Variants in GALNT18 observed in about 807,000 individuals in gnomAD.
GALNT18 encodes GalNAc-transferase 18.
A neutral mutation model predicts 69.5 loss-of-function variants in GALNT18; 44 were observed. That is an observed-to-expected ratio of 0.63 (90% CI 0.50 to 0.81). GALNT18 has a LOEUF of 0.81. Among genes scored for constraint, GALNT18 ranks in the 40% least tolerant of loss-of-function variants. GALNT18 has a pLI of 0.00. For synonymous variants in GALNT18, 364 were observed against 318.2 expected (o/e 1.14, Z -1.53); for missense variants, 715 against 810.0 (o/e 0.88, Z 1.42).
intron 6 of GALNT18, among the ~76,000 whole-genome samples, chr11:11,358,077 CA>C (rs1336544807): frequency 4.3e-5 from 4 of 93,018 alleles, no homozygotes; most frequent in Admixed American, 1.0e-4. Context: ...TCCCTGCCTC[CA>C]TCTCCTATGC....
At chr11:11,298,951 G>C (rs777360280) in intron 9 of GALNT18, among the ~76,000 whole-genome samples, 1 of 151,932 alleles carries the variant, frequency 6.6e-6, no homozygotes, top group Non-Finnish European at 1.5e-5. Context: ...CCTGCCTCCC[G>C]CCTCCAACCT....
rs1475235036 is a variant in GALNT18 at position 11,523,696 on chromosome 11, G to A, written c.236-74760C>T. ...ATCGCACCACTGCACTCCAGCCTGG[G>A]CAACAGAGCGAGACTCCATCTCAAA... On this transcript the variant is annotated intron_variant, in intron 1 of 10. Transcript: ENST00000227756. This position sits in a 1 kb window ranked among gnomAD's most constrained non-coding sequence, Gnocchi z 4.3. 2.6e-5 allele frequency among the ~76,000 whole-genome samples: 4 copies of A among 150,968 alleles called. No homozygotes were observed. The highest frequency in any genetic ancestry group is 5.9e-5 in the Non-Finnish European group (4 of 67,834).
rs1023899053 is a variant in GALNT18, at chr11:11,432,509, A to G, written c.595+112T>C. ...CATGAATTTCTCATCTATGCTCCAG[A>G]GAAAGAGCAGCCACAGACAGCCTTG... On this transcript the variant is annotated intron_variant, in intron 3 of 10. Transcript: ENST00000227756. The surrounding 1 kb of genome is among the most constrained non-coding windows in gnomAD (Gnocchi z 5.8). 1.8e-6 allele frequency: 2 copies of G among 1,088,712 alleles called. No homozygotes were observed. The highest frequency in any genetic ancestry group is 2.6e-6 in the Non-Finnish European group (2 of 767,174). The allele number at this position is 1,088,712 out of a possible 1,614,324, so 67.4% of individuals were successfully genotyped here.
rs1361208105 is a variant in GALNT18 at position 11,621,199 on chromosome 11, C to G, written c.235+160G>C. ...ACGGCCGCAGACAGAAGGTCCCGAA[C>G]GCAGGCAGGAGCTCACACGCAGGCC... On this transcript the variant is annotated intron_variant, in intron 1 of 10. Coordinates refer to ENST00000227756, the MANE Select transcript of GALNT18 (RefSeq NM_198516.3). The surrounding 1 kb of genome is among the most constrained non-coding windows in gnomAD (Gnocchi z 9.3). Among the ~76,000 whole-genome samples the G allele has an allele frequency of 1.3e-5, 2 of 152,090 alleles. No individual in the cohort carries two copies. The highest frequency in any genetic ancestry group is 2.1e-4 in the South Asian group (1 of 4,830).
At position 11,458,785 on chromosome 11, in the gene GALNT18, T is replaced by C. The variant is rs138616627; in HGVS notation, c.236-9849A>G. ...CACGGCCTGTGGGCCTGACCTCCCC[T>C]GTCTTCCAAACACCCAGCCTTGAGA... On this transcript the variant is annotated intron_variant, in intron 1 of 10. Transcript: ENST00000227756. Among the ~76,000 whole-genome samples, 874 of 152,358 alleles carry C rather than the reference T, an allele frequency of 5.7e-3. 12 individuals carry two copies. Among genetic ancestry groups the C allele is most frequent in the African/African-American group, 0.02 (820 of 41,596 alleles).
intron 3 of GALNT18, among the ~76,000 whole-genome samples, chr11:11,418,715 C>A (rs7482771): frequency 1.6e-4 from 24 of 152,100 alleles, no homozygotes; most frequent in Non-Finnish European, 1.8e-4. Flanking sequence ...GTGTGCTGAG[C>A]GTGATGGCTG....
Position 11,562,006 on chromosome 11 carries a change from C to T in GALNT18, c.235+59353G>A, listed in dbSNP as rs997708594. Among the ~76,000 whole-genome samples, 2 of 152,248 alleles carry T rather than the reference C, an allele frequency of 1.3e-5. No homozygotes were observed. The highest frequency in any genetic ancestry group is 2.9e-5 in the Non-Finnish European group (2 of 68,044). ...CACAGCGAGTGAATGCAGGGCAGGG[C>T]TCTAGCCAGGCCTTCCGAGCACTCC... On this transcript the variant is annotated intron_variant, in intron 1 of 10. Coordinates refer to ENST00000227756, the MANE Select transcript of GALNT18 (RefSeq NM_198516.3). This position sits in a 1 kb window ranked among gnomAD's most constrained non-coding sequence, Gnocchi z 4.1.
In GALNT18 at chr11:11,320,332, G is replaced by A. The variant is rs1849822210; in HGVS notation, c.1512+6754C>T. On this transcript the variant is annotated intron_variant, in intron 9 of 10. Transcript: ENST00000227756. The surrounding 1 kb of genome is among the most constrained non-coding windows in gnomAD (Gnocchi z 4.9). ...AGTGCCACCTCCATCTCCTGCAGTT[G>A]TACAGTGCACAACCTGCACAATGGC... Among the ~76,000 whole-genome samples, 1 of 152,190 alleles carries A rather than the reference G, an allele frequency of 6.6e-6. No homozygotes were observed. The highest frequency in any genetic ancestry group is 6.5e-5 in the Admixed American group (1 of 15,282).
intron 1 of GALNT18, among the ~76,000 whole-genome samples, chr11:11,569,482 A>ATTC (rs10653294): frequency 0.82 from 124,037 of 151,828 alleles, 50,718 homozygotes; most frequent in East Asian, 0.88. Flanking sequence ...TCCTCTGGGA[A>ATTC]TTCTAAGAAA....
intron 9 of GALNT18, among the ~76,000 whole-genome samples, chr11:11,312,154 C>T (rs890261970): frequency 2.0e-5 from 3 of 151,860 alleles, no homozygotes; most frequent in Admixed American, 2.0e-4. Context: ...GACGGGGTCT[C>T]ACTGTGTTAG....
At chr11:11,291,276 C>A (rs1849291415) in intron 10 of GALNT18, among the ~76,000 whole-genome samples, 1 of 152,016 alleles carries the variant, frequency 6.6e-6, no homozygotes, top group South Asian at 2.1e-4. Context: ...GGCCTTCTCC[C>A]ACGTGGCCAC....
chr11:11,326,406 A>G (rs2722767), intron 9 of GALNT18, among the ~76,000 whole-genome samples: 5,578 of 152,276 alleles, frequency 0.037, 273 homozygotes, highest in African/African-American at 0.12. Flanking sequence ...AATGTTATCA[A>G]TTCAGAACAG....
chr11:11,415,837 C>T lies in GALNT18; in HGVS notation c.595+16784G>A, dbSNP rs987314417. On this transcript the variant is annotated intron_variant, in intron 3 of 10. Transcript: ENST00000227756. The surrounding 1 kb of genome is among the most constrained non-coding windows in gnomAD (Gnocchi z 4.1). ...AATTCAGGAATTCAGCAAGCAGCAA[C>T]GCTCTCCACTGTTGGACTCACATGT... Among the ~76,000 whole-genome samples, 21 of 152,298 alleles carry T rather than the reference C, an allele frequency of 1.4e-4. No homozygotes were observed. Among genetic ancestry groups the T allele is most frequent in the Non-Finnish European group, 1.8e-4 (12 of 68,030 alleles).
chr11:11,290,518 C>T (rs1341993575), intron 10 of GALNT18, among the ~76,000 whole-genome samples: 2 of 152,186 alleles, frequency 1.3e-5, no homozygotes, highest in Non-Finnish European at 2.9e-5. Flanking sequence ...CCCCACTGTG[C>T]CCTCCAGGAT....
rs74321586 is a variant in GALNT18 at position 11,364,735 on chromosome 11, T to C, written c.1092+7780A>G. Among the ~76,000 whole-genome samples the C allele has an allele frequency of 7.3e-3, 1,108 of 152,346 alleles. 15 individuals are homozygous for C. The highest frequency in any genetic ancestry group is 0.025 in the African/African-American group (1,058 of 41,586). Reference sequence around the variant, plus strand: ...ATTACAGTATTCTTTTCAACTCTTTTAGGACTGAAAATAGCATTGTGGCCA... The same window carrying C: ...ATTACAGTATTCTTTTCAACTCTTTCAGGACTGAAAATAGCATTGTGGCCA... On this transcript the variant is annotated intron_variant, in intron 6 of 10. Transcript: ENST00000227756.
chr11:11,357,754 G>T (rs1231978522), intron 6 of GALNT18, among the ~76,000 whole-genome samples: 1 of 152,116 alleles, frequency 6.6e-6, no homozygotes, highest in African/African-American at 2.4e-5. Flanking sequence ...CTTGGGAGGG[G>T]TAAATGACAT....
rs1859566168 is a variant in GALNT18, at chr11:11,598,928, A to G, written c.235+22431T>C. 2.0e-5 allele frequency among the ~76,000 whole-genome samples: 3 copies of G among 152,176 alleles called. No individual in the cohort carries two copies. In the South Asian group the frequency reaches 6.2e-4, roughly 32 times the overall value. On this transcript the variant is annotated intron_variant, in intron 1 of 10. Coordinates refer to ENST00000227756, the MANE Select transcript of GALNT18 (RefSeq NM_198516.3). The surrounding 1 kb of genome is among the most constrained non-coding windows in gnomAD (Gnocchi z 4.8). ...GCTGTTATTGGTTCAATTACATTTCACGTGGCCAGAGAATGTACTTTGTTC... is the reference window on the plus strand; with the variant it reads ...GCTGTTATTGGTTCAATTACATTTCGCGTGGCCAGAGAATGTACTTTGTTC...
rs918988708 is a variant in GALNT18 at position 11,315,062 on chromosome 11, GTATGTGTGTA to G, written c.1512+12014_1512+12023del. On this transcript the variant is annotated intron_variant, in intron 9 of 10. Coordinates refer to ENST00000227756, the MANE Select transcript of GALNT18 (RefSeq NM_198516.3). This position sits in a 1 kb window ranked among gnomAD's most constrained non-coding sequence, Gnocchi z 5.6. ...TATGTGTGTGTGTGTGTGTGTGTGT[GTATGTGTGTA>G]TATATGTGTACATACAGAAGTAAAT... 7.4e-5 allele frequency among the ~76,000 whole-genome samples: 11 copies of G among 147,932 alleles called. No homozygotes were observed. The South Asian group carries it at 1.3e-3, about 17-fold the overall frequency.
intron 10 of GALNT18, among the ~76,000 whole-genome samples, chr11:11,274,741 CT>C (rs1177049288): frequency 3.3e-5 from 5 of 152,142 alleles, no homozygotes; most frequent in African/African-American, 1.2e-4. Context: ...TGATGTTCCC[CT>C]CCCTGTGTCC....
Sources: gnomAD v4.1 joint callset for allele counts (sites outside exome capture counted in the v4.1 genomes callset) on GRCh38, gnomAD v4.1.1 for gene constraint, Gnocchi (gnomAD v3.1) non-coding constraint, MANE v1.5 for transcripts, NCBI Gene and HGNC (gene_info 2026-07-23, HGNC 2026-07-21) for gene names.